DVL2: variants seen among roughly 807,000 people sequenced by gnomAD.
DVL2 encodes the protein segment polarity protein dishevelled homolog DVL-2.
In DVL2, 38 loss-of-function variants were observed where a neutral mutation model predicts 69.8. That is an observed-to-expected ratio of 0.54 (90% CI 0.42 to 0.71). DVL2 has a LOEUF of 0.71. Ranked by LOEUF, DVL2 falls within the 30% of genes least tolerant of loss-of-function variation. The pLI is 0.00. For synonymous variants in DVL2, 428 were observed against 392.4 expected (o/e 1.09, Z -1.07); for missense variants, 931 against 1,008.1 (o/e 0.92, Z 1.04).
rs1597550587 is a variant in DVL2, at chr17:7,230,285, T to C, written c.410A>G (p.His137Arg). 7 of 1,613,902 alleles carry C rather than the reference T, an allele frequency of 4.3e-6. No homozygotes were observed. The highest frequency in any genetic ancestry group is 2.2e-5 in the East Asian group (1 of 44,878). ...GIGDSRPPSF[H>R]PNVSSSHENL... ...GCAGTCAAGAATCTGAAGGACTCAC[T>C]GGAAGGATGGAGGCCTTGAGTCCCC... The change falls in exon 3 of 15, where the codon CAC becomes CGC. Residue 137 changes from histidine to arginine, a missense_variant and splice_region_variant. Physicochemically the swap from His to Arg is conservative, Grantham distance 29 (BLOSUM62 0). Around this residue, in one of 3 missense-constraint regions of DVL2, gnomAD observed 555 missense variants for 588.8 expected, o/e 0.94. Transcript: ENST00000005340.
Position 7,225,994 on chromosome 17 carries a change from T to C in DVL2, c.2082A>G (p.Pro694=). The change falls in exon 15 of 15, where the codon CCA becomes CCG. Residue 694 remains proline (P), a synonymous_variant. Transcript: ENST00000005340. The part of the protein sequence containing the change: ...MMPPPPPPVP[P]AVQPPGAPPV... ...GAGGGGCCCCCGGAGGCTGCACTGC[T>C]GGAGGGACTGGAGGTGGAGGTGGGG... 1.1e-5 allele frequency: 17 copies of C among 1,613,420 alleles called. No homozygotes were observed. The highest frequency in any genetic ancestry group is 1.3e-5 in the Non-Finnish European group (15 of 1,179,830).
intron 13 of DVL2, 69 bp downstream of exon 13, chr17:7,227,021 G>T: frequency 6.7e-7 from 1 of 1,498,396 alleles, no homozygotes. Context: ...TCTGGGCTAG[G>T]TCTAGGGTTG....
rs1463900349 is a variant in DVL2, at chr17:7,229,993, AC to A, written c.521-51del. 6.2e-6 allele frequency: 10 copies of A among 1,610,430 alleles called. No individual in the cohort carries two copies. Among genetic ancestry groups the A allele is most frequent in the Non-Finnish European group, 8.5e-6 (10 of 1,179,754 alleles). Reference sequence around the variant, plus strand: ...AACCAAGCTTCCCCCTGCTCACCCCACCAAGGCTGGGGTCTGGCCCAGCCCT... The same window carrying A: ...AACCAAGCTTCCCCCTGCTCACCCCACAAGGCTGGGGTCTGGCCCAGCCCT... On this transcript the variant is annotated intron_variant, in intron 4 of 14. Transcript: ENST00000005340. This position sits in a 1 kb window ranked among gnomAD's most constrained non-coding sequence, Gnocchi z 4.4.
intron 1 of DVL2, 104 bp downstream of exon 1, chr17:7,233,965 G>T: frequency 1.6e-6 from 2 of 1,259,046 alleles, no homozygotes; most frequent in South Asian, 1.3e-5. Context: ...CTCCACCATA[G>T]GCCAGAAAAT....
chr17:7,234,325 C>G lies in DVL2; in HGVS notation c.-63G>C. ...CAAAGGGCTAATGGCCCCTGCCGCG[C>G]CTGCGCACACCCGCAAACCGACGCG... On this transcript the variant is annotated 5_prime_UTR_variant, in exon 1 of 15. Transcript: ENST00000005340. The G allele has an allele frequency of 6.5e-7, 1 of 1,543,940 alleles. No individual in the cohort carries two copies. The highest frequency in any genetic ancestry group is 8.8e-7 in the Non-Finnish European group (1 of 1,141,382).
intron 1 of DVL2, among the ~76,000 whole-genome samples, chr17:7,231,878 A>C (rs1404787031): frequency 6.6e-6 from 1 of 151,834 alleles, no homozygotes; most frequent in African/African-American, 2.4e-5. Flanking sequence ...AAAAAAAAAA[A>C]AAAACCACCC....
At chr17:7,233,438 C>T (rs959981949) in intron 1 of DVL2, among the ~76,000 whole-genome samples, 1 of 151,896 alleles carries the variant, frequency 6.6e-6, no homozygotes, top group African/African-American at 2.4e-5. Flanking sequence ...CCATAATGGC[C>T]CAAGTGTTTT....
chr17:7,232,386 A>C (rs2071556482), intron 1 of DVL2, among the ~76,000 whole-genome samples: 1 of 152,188 alleles, frequency 6.6e-6, no homozygotes, highest in East Asian at 1.9e-4. Flanking sequence ...GTCACTACTA[A>C]CCCGTCTCAG....
rs746163116 is a variant in DVL2 at position 7,229,415 on chromosome 17, T to G, written c.780A>C (p.Thr260=). 1.9e-6 allele frequency: 3 copies of G among 1,613,944 alleles called. No individual in the cohort carries two copies. The East Asian group carries it at 6.7e-5, about 36-fold the overall frequency. The change falls in exon 7 of 15, where the codon ACA becomes ACC. Residue 260 remains threonine (T), a synonymous_variant. Transcript: ENST00000005340. This position sits in a 1 kb window ranked among gnomAD's most constrained non-coding sequence, Gnocchi z 4.4. ...TGACTGTGATGATATTGAGAGACAT[T>G]GTGGAATCTGTGACGCTGCTGAAGG... The part of the protein sequence containing the change: ...TSSFSSVTDS[T]MSLNIITVTL...
chr17:7,230,081 T>C lies in DVL2; in HGVS notation c.485A>G (p.Glu162Gly), dbSNP rs766815245. The C allele has an allele frequency of 1.1e-5, 17 of 1,614,108 alleles. No homozygotes were observed. In the South Asian group the frequency reaches 1.6e-4, roughly 16 times the overall value. Residue 162 changes from glutamate to glycine, a missense_variant, in exon 4 of 15, where the codon GAG (glutamate) becomes GGG (glycine). Coordinates refer to ENST00000005340, the MANE Select transcript of DVL2 (RefSeq NM_004422.3). ...ACTGCTGTCTCTCCTGCGAGGCCGC[T>C]CCCGCCTCAGTGACACTACTGACTC... ...ETESVVSLRR[E>G]RPRRRDSSEH...
At chr17:7,232,129 TCAA>T (rs558434902) in intron 1 of DVL2, among the ~76,000 whole-genome samples, 130 of 152,218 alleles carry the variant, frequency 8.5e-4, no homozygotes, top group Non-Finnish European at 1.3e-3. Flanking sequence ...CTTACTCTGG[TCAA>T]CACCATGTCC....
rs1340945105 is a variant in DVL2, at chr17:7,226,150, A to G, written c.1926T>C (p.Asp642=). 8 of 1,608,304 alleles carry G rather than the reference A, an allele frequency of 5.0e-6. No individual in the cohort carries two copies. Among genetic ancestry groups the G allele is most frequent in the Non-Finnish European group, 6.8e-6 (8 of 1,177,232 alleles). ...RRGGEASGTS[D]GGPPPSRGST... is the part of the protein sequence containing the mutation. ...AGCCTCTGGATGGAGGAGGGCCCCC[A>G]TCGCTAGTCCCACTTGCTTCCCCAC... Residue 642 remains aspartate, a synonymous_variant, in exon 15 of 15, where the codon GAT becomes GAC. Transcript: ENST00000005340.
chr17:7,232,458 A>G (rs529988375), intron 1 of DVL2, among the ~76,000 whole-genome samples: 1 of 152,348 alleles, frequency 6.6e-6, no homozygotes, highest in South Asian at 2.1e-4. Flanking sequence ...ACTCTGAGGC[A>G]AATTATTCTG....
At chr17:7,227,607 G>A (rs1282214883) in intron 11 of DVL2, 48 bp downstream of exon 11, 5 of 1,613,986 alleles carry the variant, frequency 3.1e-6, no homozygotes, top group African/African-American at 1.3e-5. Context: ...GACCACTGCG[G>A]GACAGCCTTC....
intron 3 of DVL2, 60 bp downstream of exon 3, chr17:7,230,225 C>A (rs1054768773): frequency 3.1e-6 from 5 of 1,611,178 alleles, no homozygotes; most frequent in African/African-American, 1.3e-5. Flanking sequence ...CGTCCCCTAC[C>A]AAAGGCCTGG....
At chr17:7,231,893 G>T (rs1036571644) in intron 1 of DVL2, among the ~76,000 whole-genome samples, 2 of 150,226 alleles carry the variant, frequency 1.3e-5, no homozygotes, top group Non-Finnish European at 1.5e-5. Context: ...CCACCCATTG[G>T]ATCAAACAAA....
chr17:7,234,323 C>T lies in DVL2; in HGVS notation c.-61G>A. ...CCCAAAGGGCTAATGGCCCCTGCCG[C>T]GCCTGCGCACACCCGCAAACCGACG... On this transcript the variant is annotated 5_prime_UTR_variant, in exon 1 of 15. Transcript: ENST00000005340. The T allele has an allele frequency of 6.4e-7, 1 of 1,550,656 alleles. No individual in the cohort carries two copies. Among genetic ancestry groups the T allele is most frequent in the East Asian group, 2.2e-5 (1 of 44,478 alleles).
Position 7,234,217 on chromosome 17 carries a change from C to T in DVL2, c.46G>A (p.Val16Met), listed in dbSNP as rs765841121. ...TCTTCCTCATCCAGGTGGTAAATCA[C>T]CTTCGTCTCCCCAACCCCACCGCCC... ...TGGGGVGETK[V>M]IYHLDEEETP... Residue 16 changes from valine (V) to methionine (M), a missense_variant, in exon 1 of 15, where the codon GTG (valine) becomes ATG (methionine). This residue lies in a region of DVL2 where 555 missense variants were observed against 588.8 expected (regional missense o/e 0.94). Coordinates refer to ENST00000005340, the MANE Select transcript of DVL2 (RefSeq NM_004422.3). 1 of 1,614,048 alleles carries T rather than the reference C, an allele frequency of 6.2e-7. No homozygotes were observed. The highest frequency in any genetic ancestry group is 8.5e-7 in the Non-Finnish European group (1 of 1,179,996).
rs2071438798 is a variant in DVL2, at chr17:7,226,031, A to C, written c.2045T>G (p.Val682Gly). ...GMALPYNPMM[V>G]VMMPPPPPPV... ...AGGTGGAGGTGGGGGCATCATGACC[A>C]CCATCATGGGGTTGTAGGGGAGGGC... The change falls in exon 15 of 15, where the codon GTG (valine) becomes GGG (glycine). Residue 682 changes from valine (V) to glycine (G), a missense_variant. This residue lies in a region of DVL2 where 314 missense variants were observed against 313.7 expected (regional missense o/e 1.00). Coordinates refer to ENST00000005340, the MANE Select transcript of DVL2 (RefSeq NM_004422.3). 1.9e-6 allele frequency: 3 copies of C among 1,611,456 alleles called. No individual in the cohort carries two copies. The highest frequency in any genetic ancestry group is 1.7e-6 in the Non-Finnish European group (2 of 1,178,912).
Sources: allele counts gnomAD v4.1 joint callset (sites outside exome capture counted in the v4.1 genomes callset), GRCh38; gene constraint gnomAD v4.1.1; regional missense constraint gnomAD v4.1.1; non-coding constraint Gnocchi (gnomAD v3.1); transcripts MANE v1.5; gene names NCBI Gene and HGNC (gene_info 2026-07-23, HGNC 2026-07-21).